GALNT2: variants seen among roughly 807,000 people sequenced by gnomAD.
GALNT2 encodes UDP-GalNAc:polypeptide N-acetylgalactosaminyltransferase 2.
A neutral mutation model predicts 81.4 loss-of-function variants in GALNT2; 31 were observed. The ratio of observed to expected loss-of-function variants is 0.38; its 90% CI spans 0.29 to 0.51. GALNT2 has a LOEUF of 0.51. GALNT2 is among the 20% of genes least tolerant of loss of function. The pLI is 0.87. For synonymous variants in GALNT2, 303 were observed against 287.4 expected, an observed-to-expected ratio of 1.05 and a Z score of -0.55; for missense variants, 629 against 765.7, an observed-to-expected ratio of 0.82 and a Z score of 2.11.
chr1:230,174,046 C>T (rs1048817651), intron 1 of GALNT2, among the ~76,000 whole-genome samples: 4 of 152,070 alleles, frequency 2.6e-5, no homozygotes, highest in African/African-American at 7.2e-5. Flanking sequence ...CAAACATGGG[C>T]GAAGCAGGTA....
chr1:230,078,045 C>T (rs1207488021), intron 1 of GALNT2, among the ~76,000 whole-genome samples: 2 of 152,296 alleles, frequency 1.3e-5, no homozygotes, highest in South Asian at 2.1e-4. Flanking sequence ...ATAGCATTGC[C>T]GACGTCATTG....
At chr1:230,276,084 T>C (rs1291891113) in intron 15 of GALNT2, among the ~76,000 whole-genome samples, 1 of 150,240 alleles carries the variant, frequency 6.7e-6, no homozygotes, top group Non-Finnish European at 1.5e-5. Context: ...GCCACATATA[T>C]ATACATATAT....
Position 230,262,611 on chromosome 1 carries a change from A to G in GALNT2, c.1175A>G (p.Tyr392Cys). The G allele has an allele frequency of 6.2e-7, 1 of 1,614,246 alleles. No individual in the cohort carries two copies. Among genetic ancestry groups the G allele is most frequent in the Non-Finnish European group, 8.5e-7 (1 of 1,180,034 alleles). ...RRAAEVWMDE[Y>C]KNFYYAAVPS... ...GCAGCAGAGGTCTGGATGGATGAAT[A>G]CAAAAATTTCTATTATGCAGCAGTG... is the stretch of plus-strand genomic sequence containing the variant. The change falls in exon 12 of 16, where the codon TAC becomes TGC. Residue 392 changes from tyrosine (Y) to cysteine (C), a missense_variant. Coordinates refer to ENST00000366672, the MANE Select transcript of GALNT2 (RefSeq NM_004481.5).
chr1:230,197,232 T>C (rs1245575952), intron 2 of GALNT2, among the ~76,000 whole-genome samples: 1 of 152,084 alleles, frequency 6.6e-6, no homozygotes. Context: ...AGGATACAAG[T>C]GTAGACGTAG....
At position 230,084,009 on chromosome 1, in the gene GALNT2, G is replaced by T. The variant is rs142476223; in HGVS notation, c.126+16603G>T. Among the ~76,000 whole-genome samples, 278 of 152,328 alleles carry T rather than the reference G, an allele frequency of 1.8e-3. 1 individual carries two copies. The Middle Eastern group carries it at 0.024, about 13-fold the overall frequency. ...GGATGTTGGCGTACATGCCTGTGAAGGTGAGGGTCTGCACTTCCAGCAGCC... is the reference window on the plus strand; with the variant it reads ...GGATGTTGGCGTACATGCCTGTGAATGTGAGGGTCTGCACTTCCAGCAGCC... On this transcript the variant is annotated intron_variant, in intron 1 of 15. Transcript: ENST00000366672.
chr1:230,156,509 G>C (rs1173924613), intron 1 of GALNT2, among the ~76,000 whole-genome samples: 3 of 151,946 alleles, frequency 2.0e-5, no homozygotes, highest in African/African-American at 7.2e-5. Flanking sequence ...TCCTAAAATT[G>C]ATTATTCCTT....
At chr1:230,132,480 C>T (rs1661399166) in intron 1 of GALNT2, among the ~76,000 whole-genome samples, 1 of 152,190 alleles carries the variant, frequency 6.6e-6, no homozygotes, top group African/African-American at 2.4e-5. Flanking sequence ...CTGAGTCCTG[C>T]ACCCCCTCTA....
chr1:230,222,031 C>CTCTTTTTTTTTTTTTTTTTTTTTT (rs1553270493), intron 3 of GALNT2, among the ~76,000 whole-genome samples: 43 of 96,124 alleles, frequency 4.5e-4, no homozygotes, highest in South Asian at 6.7e-4. Flanking sequence ...CTGCTTTTCT[C>CTCTTTTTTTTTTTTTTTTTTTTTT]TTTTTTTTTT....
intron 6 of GALNT2, among the ~76,000 whole-genome samples, chr1:230,242,690 G>A (rs146662580): frequency 1.4e-3 from 210 of 152,050 alleles, no homozygotes; most frequent in African/African-American, 4.8e-3. Flanking sequence ...CACCACCCAC[G>A]GCTGATTTTT....
chr1:230,276,265 A>T (rs1157777312), intron 15 of GALNT2, among the ~76,000 whole-genome samples: 2 of 152,016 alleles, frequency 1.3e-5, no homozygotes, highest in Admixed American at 6.6e-5. Flanking sequence ...CCCTTGTGGC[A>T]GCTTGTGGAC....
intron 1 of GALNT2, among the ~76,000 whole-genome samples, chr1:230,091,396 C>T (rs1307714522): frequency 1.3e-5 from 2 of 152,042 alleles, no homozygotes; most frequent in African/African-American, 4.8e-5. Context: ...TTTCTATCGG[C>T]CTATTTCTAT....
intron 1 of GALNT2, among the ~76,000 whole-genome samples, chr1:230,111,995 T>C (rs1344662863): frequency 4.6e-5 from 7 of 152,120 alleles, no homozygotes; most frequent in Non-Finnish European, 1.0e-4. Context: ...GCAGGCTGGC[T>C]TAAGCAGAAA....
rs565646862 is a variant in GALNT2, at chr1:230,098,804, AG to A, written c.126+31399del. 3.3e-3 allele frequency among the ~76,000 whole-genome samples: 509 copies of A among 152,322 alleles called. 4 individuals are homozygous for A. The highest frequency in any genetic ancestry group is 8.3e-3 in the South Asian group (40 of 4,826). ...GGGGTTAATCAGAAGCCAACGTGGC[AG>A]ATTAGCATCCAAGATGGAGTTGCTT... On this transcript the variant is annotated intron_variant, in intron 1 of 15. Coordinates refer to ENST00000366672, the MANE Select transcript of GALNT2 (RefSeq NM_004481.5).
chr1:230,150,225 C>A (rs1662050787), intron 1 of GALNT2, among the ~76,000 whole-genome samples: 1 of 152,174 alleles, frequency 6.6e-6, no homozygotes, highest in Non-Finnish European at 1.5e-5. Flanking sequence ...AAGCTGCCTA[C>A]CTCCGTGTGC....
chr1:230,137,814 C>T (rs1232278235), intron 1 of GALNT2, among the ~76,000 whole-genome samples: 1 of 152,154 alleles, frequency 6.6e-6, no homozygotes, highest in African/African-American at 2.4e-5. Context: ...TAGGGTTTGA[C>T]TTTTATTATC....
intron 14 of GALNT2, among the ~76,000 whole-genome samples, chr1:230,272,896 G>A (rs930718024): frequency 1.3e-5 from 2 of 152,116 alleles, no homozygotes; most frequent in African/African-American, 4.8e-5. Flanking sequence ...AGCCTCCCAA[G>A]TAGCTGGGAC....
chr1:230,182,556 G>C (rs1663194041), intron 2 of GALNT2, among the ~76,000 whole-genome samples: 1 of 152,148 alleles, frequency 6.6e-6, no homozygotes, highest in Non-Finnish European at 1.5e-5. Flanking sequence ...CTATCTTTCT[G>C]TTATTGAATC....
At chr1:230,148,578 C>A (rs1213428504) in intron 1 of GALNT2, among the ~76,000 whole-genome samples, 1 of 151,578 alleles carries the variant, frequency 6.6e-6, no homozygotes, top group Non-Finnish European at 1.5e-5. Flanking sequence ...GTTTTGTTTT[C>A]TTTTTTTTTC....
Position 230,069,698 on chromosome 1 carries a change from C to T in GALNT2, c.126+2292C>T, listed in dbSNP as rs531520081. Among the ~76,000 whole-genome samples the T allele has an allele frequency of 1.4e-4, 12 of 88,104 alleles. No individual in the cohort carries two copies. The East Asian group carries it at 2.9e-3, about 21-fold the overall frequency. 57.8% of individuals were successfully genotyped at this position (88,104 alleles called of 152,430 possible). ...AGTGTCTCTAAATTTATTTCATTCTCATACCAAAAAAAAAATGTGGTTTGT... is the reference window on the plus strand; with the variant it reads ...AGTGTCTCTAAATTTATTTCATTCTTATACCAAAAAAAAAATGTGGTTTGT... On this transcript the variant is annotated intron_variant, in intron 1 of 15. Transcript: ENST00000366672.
Sources: gnomAD v4.1 joint callset for allele counts (sites outside exome capture counted in the v4.1 genomes callset) on GRCh38, gnomAD v4.1.1 for gene constraint, MANE v1.5 for transcripts, NCBI Gene and HGNC (gene_info 2026-07-23, HGNC 2026-07-21) for gene names.